ATP6V0D2: variants seen among roughly 807,000 people sequenced by gnomAD.
ATP6V0D2 encodes the protein ATPase H+ transporting V0 subunit d2, also known as V-type proton ATPase subunit d 2.
Under a neutral mutation model 40.0 loss-of-function variants are expected in ATP6V0D2, and 40 were observed. The ratio of observed to expected loss-of-function variants is 1.00; its 90% CI spans 0.78 to 1.30. The LOEUF (loss-of-function observed/expected upper bound fraction) is 1.30, where lower values mean the gene tolerates loss of function less well. Among genes scored for constraint, ATP6V0D2 ranks in the 50% most tolerant of loss-of-function variants. ATP6V0D2 has a pLI of 0.00. For synonymous variants in ATP6V0D2, 179 were observed against 156.3 expected, an observed-to-expected ratio of 1.15 and a Z score of -1.08; for missense variants, 470 against 423.1, an observed-to-expected ratio of 1.11 and a Z score of -0.97.
intron 1 of ATP6V0D2, among the ~76,000 whole-genome samples, chr8:86,100,077 C>T (rs953793428): frequency 1.3e-5 from 2 of 151,446 alleles, no homozygotes; most frequent in African/African-American, 4.8e-5. Flanking sequence ...CTGGTGGGGC[C>T]AGCCCTGGAT....
chr8:86,153,529 TA>T lies in ATP6V0D2; in HGVS notation c.*553del, dbSNP rs1383281321. On this transcript the variant is annotated 3_prime_UTR_variant, in exon 8 of 8. Coordinates refer to ENST00000285393, the MANE Select transcript of ATP6V0D2 (RefSeq NM_152565.1). Reference sequence around the variant, plus strand: ...CACCCCCACACAAGGCTAAGTTTTGTATTTTTTGTAGAGACAGGGTTTCAAC... The same window carrying T: ...CACCCCCACACAAGGCTAAGTTTTGTTTTTTTGTAGAGACAGGGTTTCAAC... 6.6e-6 allele frequency: 1 copy of T among 152,202 alleles called. No individual in the cohort carries two copies. Among genetic ancestry groups the T allele is most frequent in the East Asian group, 1.9e-4 (1 of 5,174 alleles). 9.4% of individuals were successfully genotyped at this position (152,202 alleles called of 1,614,324 possible). A position where few individuals can be genotyped will look rare whatever the true frequency, so the allele number is the denominator to read the frequency against.
chr8:86,134,567 A>T (rs1202603150), intron 2 of ATP6V0D2, among the ~76,000 whole-genome samples: 1 of 152,252 alleles, frequency 6.6e-6, no homozygotes, highest in East Asian at 1.9e-4. Context: ...TAAAGTTTTT[A>T]AAACTGCACT....
chr8:86,140,544 CT>C (rs1263471919), intron 3 of ATP6V0D2, among the ~76,000 whole-genome samples: 2 of 151,976 alleles, frequency 1.3e-5, no homozygotes, highest in Non-Finnish European at 2.9e-5. Flanking sequence ...ATAAAACACA[CT>C]TTTAAGTACA....
chr8:86,120,422 C>G (rs1275759544), intron 2 of ATP6V0D2, among the ~76,000 whole-genome samples: 1 of 151,826 alleles, frequency 6.6e-6, no homozygotes, highest in Non-Finnish European at 1.5e-5. Context: ...AACAAACATA[C>G]AAAAAACACT....
intron 5 of ATP6V0D2, 136 bp downstream of exon 5, chr8:86,143,090 A>G: frequency 1.8e-6 from 1 of 548,328 alleles, no homozygotes; most frequent in Non-Finnish European, 3.2e-6. Context: ...ATTTTATTAT[A>G]CATATGATTT....
At chr8:86,149,478 A>G (rs1819114039) in intron 5 of ATP6V0D2, among the ~76,000 whole-genome samples, 1 of 152,166 alleles carries the variant, frequency 6.6e-6, no homozygotes, top group Non-Finnish European at 1.5e-5. Context: ...CCAGCATCTT[A>G]CAAAGAAGAA....
intron 1 of ATP6V0D2, among the ~76,000 whole-genome samples, chr8:86,112,019 CT>C (rs1818533226): frequency 6.6e-6 from 1 of 152,158 alleles, no homozygotes; most frequent in South Asian, 2.1e-4. Context: ...ATAATAGATG[CT>C]TAATAAATGT....
chr8:86,119,326 T>C (rs1170920470), intron 2 of ATP6V0D2, among the ~76,000 whole-genome samples: 1 of 150,344 alleles, frequency 6.7e-6, no homozygotes, highest in Non-Finnish European at 1.5e-5. Flanking sequence ...CCCCCCAGGT[T>C]CAAGTAATTC....
chr8:86,140,542 C>T (rs1818958033), intron 3 of ATP6V0D2, among the ~76,000 whole-genome samples: 1 of 151,994 alleles, frequency 6.6e-6, no homozygotes, highest in Non-Finnish European at 1.5e-5. Flanking sequence ...AAATAAAACA[C>T]ACTTTTAAGT....
At chr8:86,100,927 T>C (rs1351787224) in intron 1 of ATP6V0D2, among the ~76,000 whole-genome samples, 1 of 150,546 alleles carries the variant, frequency 6.6e-6, no homozygotes, top group Non-Finnish European at 1.5e-5. Context: ...TCTAAAGCCA[T>C]ATAAAGAATT....
chr8:86,114,902 C>A (rs1184034512), intron 2 of ATP6V0D2, among the ~76,000 whole-genome samples: 1 of 152,094 alleles, frequency 6.6e-6, no homozygotes, highest in Non-Finnish European at 1.5e-5. Flanking sequence ...TAGGTCCAAG[C>A]CCAGGTCTGG....
At chr8:86,105,457 C>A (rs1302860708) in intron 1 of ATP6V0D2, among the ~76,000 whole-genome samples, 1 of 151,840 alleles carries the variant, frequency 6.6e-6, no homozygotes, top group African/African-American at 2.4e-5. Context: ...GGCCACTGTT[C>A]CTGACTAATT....
At chr8:86,124,160 A>G (rs935197889) in intron 2 of ATP6V0D2, among the ~76,000 whole-genome samples, 2 of 152,262 alleles carry the variant, frequency 1.3e-5, no homozygotes, top group South Asian at 4.2e-4. Context: ...ATTCAATGGG[A>G]ATAGTCAAAG....
intron 5 of ATP6V0D2, among the ~76,000 whole-genome samples, chr8:86,145,370 GAAGGAAAGAAAAGAAAAGA>G (rs1819053102): frequency 5.7e-5 from 4 of 70,656 alleles, no homozygotes; most frequent in Admixed American, 2.9e-4. Flanking sequence ...AGGAAGGAAG[GAAGGAAAGAAAAGAAAAGA>G]AAAGAAAAGA....
chr8:86,135,044 G>C (rs1818879796), intron 2 of ATP6V0D2, among the ~76,000 whole-genome samples: 1 of 152,158 alleles, frequency 6.6e-6, no homozygotes, highest in Non-Finnish European at 1.5e-5. Context: ...GGTGGGAAAG[G>C]GTGGGTGTGA....
In ATP6V0D2 at chr8:86,142,938, T is replaced by A. The variant is rs1347396458; in HGVS notation, c.623T>A (p.Met208Lys). 1 of 1,610,102 alleles carries A rather than the reference T, an allele frequency of 6.2e-7. No homozygotes were observed. Among genetic ancestry groups the A allele is most frequent in the Admixed American group, 1.7e-5 (1 of 59,856 alleles). The change falls in exon 5 of 8, where the codon ATG (methionine) becomes AAG (lysine). Residue 208 changes from methionine (M) to lysine (K), a missense_variant. By Grantham distance (95) the Met-to-Lys change is moderately conservative. Coordinates refer to ENST00000285393, the MANE Select transcript of ATP6V0D2 (RefSeq NM_152565.1). ...CATGGTGATGTCACAGCAGAAGTTA[T>A]GTGTCCCATTCTTGAGGTAAGAAAG... ...KNHGDVTAEV[M>K]CPILEFEADR... is the part of the protein sequence containing the mutation.
intron 1 of ATP6V0D2, 93 bp from the exon 2 acceptor site, chr8:86,113,616 T>C: frequency 1.8e-6 from 2 of 1,116,876 alleles, no homozygotes; most frequent in Non-Finnish European, 1.3e-6. Flanking sequence ...CATATGTATG[T>C]AACACAAAAT....
In ATP6V0D2 at chr8:86,139,562, A is replaced by C. The variant is rs182956272; in HGVS notation, c.408A>C (p.Thr136=). ...LGKCHPLGRF[T]EMEAVNIAET... is the part of the protein sequence containing the mutation. The stretch of plus-strand genomic sequence containing the variant: ...AGTGCCACCCCTTGGGCCGTTTCAC[A>C]GAAATGGAAGCTGTCAACATTGCAG... The change falls in exon 3 of 8, where the codon ACA becomes ACC. Residue 136 remains threonine, a synonymous_variant. Transcript: ENST00000285393. 5.0e-6 allele frequency: 8 copies of C among 1,613,882 alleles called. No homozygotes were observed. In the East Asian group the frequency reaches 1.8e-4, roughly 36 times the overall value.
chr8:86,139,422 C>G (rs771184463), intron 2 of ATP6V0D2, 35 bp from the exon 3 acceptor site: 2 of 1,552,584 alleles, frequency 1.3e-6, no homozygotes, highest in South Asian at 2.5e-5. Flanking sequence ...CCTTTTGCAG[C>G]TGTCCTCTAA....
Sources: gnomAD v4.1 joint callset for allele counts (sites outside exome capture counted in the v4.1 genomes callset) on GRCh38, gnomAD v4.1.1 for gene constraint, MANE v1.5 for transcripts, NCBI Gene and HGNC (gene_info 2026-07-23, HGNC 2026-07-21) for gene names.